Variants in STARD13 observed in about 807,000 individuals in gnomAD.
The protein encoded by STARD13 is stAR-related lipid transfer protein 13.
Under a neutral mutation model 106.4 loss-of-function variants are expected in STARD13, and 62 were observed. That is an observed-to-expected ratio of 0.58 (90% CI 0.48 to 0.72). The LOEUF is 0.72. STARD13 is among the 30% of genes least tolerant of loss of function. STARD13 has a pLI of 0.00. For missense variants in STARD13, 1,387 were observed against 1,424.0 expected (o/e 0.97, Z 0.42); for synonymous variants, 565 against 553.0 (o/e 1.02, Z -0.31).
intron 1 of STARD13, among the ~76,000 whole-genome samples, chr13:33,282,399 T>C (rs904365224): frequency 1.1e-4 from 16 of 152,204 alleles, no homozygotes; most frequent in South Asian, 4.1e-4. Context: ...TCTGATTCTA[T>C]GCATCATCAA....
chr13:33,479,782 C>T, the STARD13 span, among the ~76,000 whole-genome samples: 1 of 152,064 alleles, frequency 6.6e-6, no homozygotes, highest in Non-Finnish European at 1.5e-5. Flanking sequence ...AGTGAATTCT[C>T]GTGAGATCTG....
the STARD13 span, among the ~76,000 whole-genome samples, chr13:33,494,474 C>T: frequency 1.3e-5 from 2 of 152,022 alleles, no homozygotes; most frequent in Admixed American, 6.6e-5. Flanking sequence ...ACTTGCAAGA[C>T]GAAATGGGCG....
At chr13:33,235,613 C>T (rs1402412828) in intron 1 of STARD13, among the ~76,000 whole-genome samples, 1 of 152,218 alleles carries the variant, frequency 6.6e-6, no homozygotes, top group African/African-American at 2.4e-5. Flanking sequence ...GGCCTAGAAA[C>T]AGAGTTACCA....
intron 1 of STARD13, among the ~76,000 whole-genome samples, chr13:33,302,199 G>A (rs1004413504): frequency 1.3e-5 from 2 of 152,156 alleles, no homozygotes; most frequent in Non-Finnish European, 2.9e-5. Flanking sequence ...AACTTCCATG[G>A]CCTGGAACTG....
At chr13:33,634,780 A>G in the STARD13 span, among the ~76,000 whole-genome samples, 16 of 152,120 alleles carry the variant, frequency 1.1e-4, no homozygotes, top group Admixed American at 4.6e-4. Flanking sequence ...TACCCCACTG[A>G]CAGAGAGAAA....
chr13:33,551,400 T>C, the STARD13 span, among the ~76,000 whole-genome samples: 1 of 152,022 alleles, frequency 6.6e-6, no homozygotes, highest in African/African-American at 2.4e-5. Context: ...AGTTTTGGAT[T>C]TGGGGGAATT....
At chr13:33,305,588 C>A (rs1303866788) in intron 1 of STARD13, among the ~76,000 whole-genome samples, 1 of 152,046 alleles carries the variant, frequency 6.6e-6, no homozygotes, top group African/African-American at 2.4e-5. Context: ...ATTATAATAC[C>A]CTCTGTAAGT....
the STARD13 span, among the ~76,000 whole-genome samples, chr13:33,550,594 C>T: frequency 6.6e-6 from 1 of 152,200 alleles, no homozygotes; most frequent in East Asian, 1.9e-4. Flanking sequence ...TGGTACAAAT[C>T]TTCAAAACCT....
intron 1 of STARD13, chr13:33,272,806 A>T (rs1250439280): frequency 6.6e-6 from 1 of 152,286 alleles, no homozygotes; most frequent in Non-Finnish European, 1.5e-5. Context: ...AACCAAAGAC[A>T]GAGAAGGAGG....
the STARD13 span, among the ~76,000 whole-genome samples, chr13:33,411,681 A>G: frequency 6.6e-6 from 1 of 152,340 alleles, no homozygotes; most frequent in South Asian, 2.1e-4. Flanking sequence ...CTGTCTCCAT[A>G]GTTTTCCCTT....
At chr13:33,198,110 G>T (rs1886768121) in intron 1 of STARD13, among the ~76,000 whole-genome samples, 1 of 152,226 alleles carries the variant, frequency 6.6e-6, no homozygotes, top group African/African-American at 2.4e-5. Flanking sequence ...GGAGGTTGCA[G>T]TGAGCCGAGA....
At chr13:33,426,682 T>C in the STARD13 span, among the ~76,000 whole-genome samples, 1 of 152,178 alleles carries the variant, frequency 6.6e-6, no homozygotes, top group African/African-American at 2.4e-5. Context: ...ATTATATTGG[T>C]TTTTGAAAAT....
chr13:33,393,349 C>T, the STARD13 span, among the ~76,000 whole-genome samples: 2 of 152,164 alleles, frequency 1.3e-5, no homozygotes, highest in Non-Finnish European at 2.9e-5. Context: ...AATGAATTGA[C>T]TAGCATAGCT....
chr13:33,443,115 AC>A, the STARD13 span, among the ~76,000 whole-genome samples: 3 of 152,076 alleles, frequency 2.0e-5, no homozygotes, highest in Non-Finnish European at 1.5e-5. Context: ...GCAGTGGCTC[AC>A]CCCTGTAATC....
intron 1 of STARD13, among the ~76,000 whole-genome samples, chr13:33,333,433 C>T (rs2077860028): frequency 6.6e-6 from 1 of 152,124 alleles, no homozygotes; most frequent in African/African-American, 2.4e-5. Context: ...TTCTCCATTT[C>T]CCTCCTCCCT....
chr13:33,572,039 G>A, the STARD13 span, among the ~76,000 whole-genome samples: 12 of 152,164 alleles, frequency 7.9e-5, no homozygotes, highest in African/African-American at 2.9e-4. Flanking sequence ...ACCAGAAACA[G>A]AGATAAAGAA....
At chr13:33,213,363 G>A (rs1887834773) in intron 1 of STARD13, among the ~76,000 whole-genome samples, 1 of 152,168 alleles carries the variant, frequency 6.6e-6, no homozygotes, top group South Asian at 2.1e-4. Flanking sequence ...CCATGCACTG[G>A]GGAGTCGTAT....
the STARD13 span, among the ~76,000 whole-genome samples, chr13:33,447,451 T>C: frequency 6.6e-6 from 1 of 152,214 alleles, no homozygotes; most frequent in Non-Finnish European, 1.5e-5. Flanking sequence ...TTGCTCAGAC[T>C]TTTTGTGTTC....
chr13:33,474,537 C>T, the STARD13 span, among the ~76,000 whole-genome samples: 2 of 152,158 alleles, frequency 1.3e-5, no homozygotes, highest in African/African-American at 4.8e-5. Flanking sequence ...AATGCTTGTA[C>T]ATTAAACAAA....
Sources: allele counts gnomAD v4.1 joint callset (sites outside exome capture counted in the v4.1 genomes callset), GRCh38; gene constraint gnomAD v4.1.1; transcripts MANE v1.5; gene names NCBI Gene and HGNC (gene_info 2026-07-23, HGNC 2026-07-21).